Variants in RALYL observed in about 807,000 individuals in gnomAD.
RALYL encodes the protein RALY RNA binding protein like.
In RALYL, 29 loss-of-function variants were observed where a neutral mutation model predicts 35.1. The ratio of observed to expected loss-of-function variants is 0.83; its 90% CI spans 0.61 to 1.13. RALYL has a LOEUF of 1.13. Ranked by LOEUF, RALYL falls within the 50% of genes most tolerant of loss-of-function variation. RALYL has a pLI of 0.00. For missense variants in RALYL, 359 were observed against 360.4 expected, an observed-to-expected ratio of 1.00 and a Z score of 0.03; for synonymous variants, 120 against 127.6, an observed-to-expected ratio of 0.94 and a Z score of 0.40.
At chr8:84,777,241 C>T (rs897610865) in intron 3 of RALYL, among the ~76,000 whole-genome samples, 2 of 152,178 alleles carry the variant, frequency 1.3e-5, no homozygotes, top group African/African-American at 4.8e-5. Flanking sequence ...CTAGTATTCT[C>T]ACCACTAGAT....
chr8:84,607,171 TC>T (rs200562962), intron 2 of RALYL, among the ~76,000 whole-genome samples: 23 of 151,154 alleles, frequency 1.5e-4, no homozygotes, highest in Non-Finnish European at 2.8e-4. Flanking sequence ...CCTTCTCTTT[TC>T]CCCCCCCTTT....
At chr8:84,662,063 A>G (rs1169460210) in intron 2 of RALYL, among the ~76,000 whole-genome samples, 1 of 152,126 alleles carries the variant, frequency 6.6e-6, no homozygotes, top group East Asian at 1.9e-4. Flanking sequence ...GTCAATACAT[A>G]AAAAAGTTTG....
chr8:84,469,844 C>T lies in RALYL; in HGVS notation c.-23-59455C>T, dbSNP rs1179186216. On this transcript the variant is annotated intron_variant, in intron 1 of 8. Coordinates refer to ENST00000521268, the MANE Select transcript of RALYL (RefSeq NM_173848.7). The stretch of plus-strand genomic sequence containing the variant: ...AGGTGCGGGATATAATCTCGTGGTG[C>T]GCTGTTTTTTAAGCCCGTCGGAAAA... Among the ~76,000 whole-genome samples the T allele has an allele frequency of 9.9e-5, 15 of 152,092 alleles. 1 individual carries two copies. Among genetic ancestry groups the T allele is most frequent in the South Asian group, 8.3e-4 (4 of 4,816 alleles).
intron 2 of RALYL, among the ~76,000 whole-genome samples, chr8:84,652,870 T>C (rs1829138968): frequency 6.6e-6 from 1 of 152,130 alleles, no homozygotes; most frequent in African/African-American, 2.4e-5. Flanking sequence ...TTATGGTCAC[T>C]CTAGACCACA....
chr8:84,428,106 T>TCACACACACA (rs869249552), intron 1 of RALYL, among the ~76,000 whole-genome samples: 13 of 127,338 alleles, frequency 1.0e-4, no homozygotes, highest in African/African-American at 2.1e-4. Flanking sequence ...TCTCTCTCTC[T>TCACACACACA]CACACACACA....
chr8:84,546,168 C>T (rs1170832124), intron 2 of RALYL, among the ~76,000 whole-genome samples: 1 of 152,032 alleles, frequency 6.6e-6, no homozygotes, highest in Non-Finnish European at 1.5e-5. Flanking sequence ...CTCTGTTGCC[C>T]AGGCTGGAGT....
chr8:84,580,467 T>A (rs1214452682), intron 2 of RALYL, among the ~76,000 whole-genome samples: 1 of 152,070 alleles, frequency 6.6e-6, no homozygotes, highest in Non-Finnish European at 1.5e-5. Context: ...GAATGGGGTG[T>A]GGGAGTGCCA....
intron 1 of RALYL, among the ~76,000 whole-genome samples, chr8:84,426,918 A>AG (rs1472196282): frequency 6.6e-6 from 1 of 152,208 alleles, no homozygotes; most frequent in Non-Finnish European, 1.5e-5. Flanking sequence ...TAAATTAAAA[A>AG]TGGAACTACC....
chr8:84,420,630 G>A (rs1377562435), intron 1 of RALYL, among the ~76,000 whole-genome samples: 2 of 135,940 alleles, frequency 1.5e-5, no homozygotes, highest in African/African-American at 5.9e-5. Context: ...CCATGCCTAT[G>A]TCCTGAATGG....
intron 8 of RALYL, among the ~76,000 whole-genome samples, chr8:84,913,032 A>ATAGGTAGGTAGG (rs1554650722): frequency 1.6e-3 from 172 of 109,128 alleles, no homozygotes; most frequent in East Asian, 5.1e-3. Context: ...GGATGGATGG[A>ATAGGTAGGTAGG]TAGGTAGGTA....
chr8:84,743,627 G>A lies in RALYL; in HGVS notation c.257-30952G>A, dbSNP rs151255870. ...GTAACTGAGTAGTTTTATGCTTTTT[G>A]AGACAACCAAGACATCAGGTCACAT... On this transcript the variant is annotated intron_variant, in intron 2 of 8. Transcript: ENST00000521268. Among the ~76,000 whole-genome samples the A allele has an allele frequency of 1.4e-4, 22 of 152,048 alleles. No individual in the cohort carries two copies. In the East Asian group the frequency reaches 4.1e-3, roughly 28 times the overall value.
chr8:84,684,572 A>T (rs1836347814), intron 2 of RALYL, among the ~76,000 whole-genome samples: 1 of 152,230 alleles, frequency 6.6e-6, no homozygotes, highest in Non-Finnish European at 1.5e-5. Flanking sequence ...AAAAGCATTG[A>T]TGAGAAAACA....
At chr8:84,281,869 A>G (rs1319708279) in intron 1 of RALYL, among the ~76,000 whole-genome samples, 5 of 152,022 alleles carry the variant, frequency 3.3e-5, no homozygotes, top group Non-Finnish European at 5.9e-5. Context: ...TTCACGGCCA[A>G]TGACTCCCCA....
chr8:84,676,080 A>G (rs890044673), intron 2 of RALYL, among the ~76,000 whole-genome samples: 2 of 152,230 alleles, frequency 1.3e-5, no homozygotes, highest in Non-Finnish European at 2.9e-5. Context: ...TTTGTCAAGT[A>G]TACCTCAACA....
chr8:84,390,242 G>T (rs1025319653), intron 1 of RALYL, among the ~76,000 whole-genome samples: 3 of 152,076 alleles, frequency 2.0e-5, no homozygotes, highest in African/African-American at 7.2e-5. Context: ...GATTCAGTTT[G>T]CCAGTATTTT....
chr8:84,682,781 C>A (rs1237885739), intron 2 of RALYL, among the ~76,000 whole-genome samples: 2 of 151,746 alleles, frequency 1.3e-5, no homozygotes, highest in African/African-American at 2.4e-5. Flanking sequence ...TTGATCTTTT[C>A]AAAAAACCAG....
chr8:84,369,753 C>G (rs1346067046), intron 1 of RALYL, among the ~76,000 whole-genome samples: 1 of 152,034 alleles, frequency 6.6e-6, no homozygotes, highest in South Asian at 2.1e-4. Flanking sequence ...TCACAGAATG[C>G]TTTAGTTTAA....
In RALYL at chr8:84,440,637, A is replaced by C. The variant is rs367883516; in HGVS notation, c.-23-88662A>C. ...TTAAGTCTTGCTTCTTCTTTCACTAAGCATAATGCATTTGAGATTCATCTA... is the reference window on the plus strand; with the variant it reads ...TTAAGTCTTGCTTCTTCTTTCACTACGCATAATGCATTTGAGATTCATCTA... On this transcript the variant is annotated intron_variant, in intron 1 of 8. Transcript: ENST00000521268. Among the ~76,000 whole-genome samples, 66 of 152,174 alleles carry C rather than the reference A, an allele frequency of 4.3e-4. 1 individual carries two copies. The East Asian group carries it at 7.4e-3, about 17-fold the overall frequency.
intron 2 of RALYL, among the ~76,000 whole-genome samples, chr8:84,768,127 C>T (rs964570808): frequency 1.3e-5 from 2 of 152,170 alleles, no homozygotes; most frequent in Admixed American, 6.5e-5. Context: ...TCCATTTACT[C>T]TACTTTGTGA....
Sources: gnomAD v4.1 joint callset for allele counts (sites outside exome capture counted in the v4.1 genomes callset) on GRCh38, gnomAD v4.1.1 for gene constraint, MANE v1.5 for transcripts, NCBI Gene and HGNC (gene_info 2026-07-23, HGNC 2026-07-21) for gene names.